The following FAT2 variants were observed in gnomAD, a reference collection of about 807,000 sequenced individuals.
FAT2 encodes FAT atypical cadherin 2.
In FAT2, 150 loss-of-function variants were observed where a neutral mutation model predicts 295.3. That is an observed-to-expected ratio of 0.51 (90% CI 0.44 to 0.58). The LOEUF (loss-of-function observed/expected upper bound fraction) is 0.58. Among genes scored for constraint, FAT2 ranks in the 20% least tolerant of loss-of-function variants. The pLI is 0.00. For missense variants in FAT2, 4,868 were observed against 5,442.7 expected (o/e 0.89, Z 3.32); for synonymous variants, 2,026 against 2,150.3 (o/e 0.94, Z 1.60).
intron 11 of FAT2, among the ~76,000 whole-genome samples, 160 bp downstream of exon 11, chr5:151,540,407 C>G (rs1285991182): frequency 6.6e-6 from 1 of 151,798 alleles, no homozygotes; most frequent in Non-Finnish European, 1.5e-5. Flanking sequence ...GCCCCTCACT[C>G]TCTGTTCTCC....
chr5:151,589,419 G>GC (rs1357196230), intron 1 of FAT2, among the ~76,000 whole-genome samples: 6 of 152,198 alleles, frequency 3.9e-5, no homozygotes, highest in African/African-American at 1.4e-4. Context: ...TGAGCATCAG[G>GC]CTAGCTGACA....
At chr5:151,569,083 C>T in intron 1 of FAT2, 132 bp from the exon 2 acceptor site, 1 of 882,426 alleles carries the variant, frequency 1.1e-6, no homozygotes, top group Admixed American at 2.9e-5. Flanking sequence ...TTGGCTGACC[C>T]AGCTTGGGAG....
Position 151,534,580 on chromosome 5 carries a change from T to A in FAT2, c.9256A>T (p.Lys3086Ter). ...GATCGGCCACCTCCATCCGTCGCCT[T>A]GGCAACAAGGTTGAACACATCCTTC... Reference protein sequence around the residue: ...ERKDVFNLVAKATDGGGRSCQ... With the variant: ...ERKDVFNLVA The change falls in exon 13 of 24, where the codon AAG (lysine) becomes TAG (stop). Residue 3086 changes from lysine (K) to a stop codon, truncating the protein, a stop_gained. Transcript: ENST00000261800. LOFTEE classifies it high-confidence loss of function. 1.2e-6 allele frequency: 2 copies of A among 1,614,040 alleles called. No homozygotes were observed. Among genetic ancestry groups the A allele is most frequent in the Non-Finnish European group, 8.5e-7 (1 of 1,179,998 alleles).
chr5:151,567,846 G>C lies in FAT2; in HGVS notation c.1086C>G (p.Phe362Leu), dbSNP rs200331562. The C allele has an allele frequency of 4.8e-5, 77 of 1,614,004 alleles. 1 individual carries two copies. In the Middle Eastern group the frequency reaches 6.6e-4, roughly 14 times the overall value. The change falls in exon 2 of 24, where the codon TTC becomes TTG. Residue 362 changes from phenylalanine (F) to leucine (L), a missense_variant. Transcript: ENST00000261800. ...LPPSKLSSLK[F>L]EKAVYRVQLS... ...GCTGCACTCTGTAAACAGCCTTCTCGAATTTGAGGGAAGACAGTTTGGAAG... is the reference window on the plus strand; with the variant it reads ...GCTGCACTCTGTAAACAGCCTTCTCCAATTTGAGGGAAGACAGTTTGGAAG...
At chr5:151,518,418 C>T (rs1005361199) in intron 19 of FAT2, among the ~76,000 whole-genome samples, 2 of 151,098 alleles carry the variant, frequency 1.3e-5, no homozygotes, top group South Asian at 2.1e-4. Flanking sequence ...TGTAATGAAT[C>T]AAGTGTGTGA....
intron 11 of FAT2, among the ~76,000 whole-genome samples, chr5:151,539,126 A>T (rs146958716): frequency 1.3e-5 from 2 of 152,108 alleles, no homozygotes; most frequent in Admixed American, 6.5e-5. Flanking sequence ...GAGGGAAAAG[A>T]GAAGGAAGGT....
At chr5:151,553,410 A>G in intron 5 of FAT2, 23 bp from the exon 6 acceptor site, 1 of 1,609,508 alleles carries the variant, frequency 6.2e-7, no homozygotes, top group Non-Finnish European at 8.5e-7. Context: ...CAACACCAAA[A>G]CTGAGGTTTG....
intron 23 of FAT2, 55 bp from the exon 24 acceptor site, chr5:151,506,152 C>G: frequency 6.7e-7 from 1 of 1,487,074 alleles, no homozygotes; most frequent in East Asian, 2.3e-5. Context: ...AAGGTTTCAG[C>G]TGGCTCTATA....
intron 20 of FAT2, among the ~76,000 whole-genome samples, chr5:151,515,138 T>C (rs1752724313): frequency 1.3e-5 from 2 of 152,134 alleles, no homozygotes; most frequent in Non-Finnish European, 2.9e-5. Context: ...TCACTTCCCA[T>C]CTTACTGGCC....
chr5:151,524,725 C>A (rs1180306123), intron 18 of FAT2, among the ~76,000 whole-genome samples: 1 of 152,194 alleles, frequency 6.6e-6, no homozygotes, highest in Non-Finnish European at 1.5e-5. Flanking sequence ...CTCATTCCCA[C>A]CCCTGCTCAT....
chr5:151,561,325 C>T (rs1379000081), intron 3 of FAT2, among the ~76,000 whole-genome samples: 1 of 151,972 alleles, frequency 6.6e-6, no homozygotes, highest in Non-Finnish European at 1.5e-5. Context: ...AAGATGAGGC[C>T]AGAGAGGTCA....
intron 17 of FAT2, among the ~76,000 whole-genome samples, chr5:151,526,538 A>G (rs1373400234): frequency 1.3e-5 from 2 of 152,240 alleles, no homozygotes; most frequent in Admixed American, 6.5e-5. Flanking sequence ...TAGCATCACA[A>G]ACAGAATCTA....
chr5:151,512,865 C>T lies in FAT2; in HGVS notation c.11464-259G>A, dbSNP rs779603748. On this transcript the variant is annotated intron_variant, in intron 20 of 23. Coordinates refer to ENST00000261800, the MANE Select transcript of FAT2 (RefSeq NM_001447.3). This position sits in a 1 kb window ranked among gnomAD's most constrained non-coding sequence, Gnocchi z 4.1. Reference sequence around the variant, plus strand: ...CATTCACAGATGAGGAAACTGAGGCCGAGAGATGCTTTGCTGATCAAGACC... The same window carrying T: ...CATTCACAGATGAGGAAACTGAGGCTGAGAGATGCTTTGCTGATCAAGACC... 3.9e-5 allele frequency: 20 copies of T among 507,678 alleles called. No individual in the cohort carries two copies. Among genetic ancestry groups the T allele is most frequent in the African/African-American group, 9.6e-5 (5 of 52,354 alleles). The allele number at this position is 507,678 out of a possible 1,614,324, so 31.4% of individuals were successfully genotyped here. A position where few individuals can be genotyped will look rare whatever the true frequency, so the allele number is the denominator to read the frequency against.
At chr5:151,533,442 TC>T (rs1449986523) in intron 13 of FAT2, among the ~76,000 whole-genome samples, 1 of 138,250 alleles carries the variant, frequency 7.2e-6, no homozygotes, top group Non-Finnish European at 1.6e-5. Context: ...ACACACGCTT[TC>T]CAGGTCCAGC....
intron 3 of FAT2, 78 bp downstream of exon 3, chr5:151,563,247 G>T: frequency 3.0e-6 from 4 of 1,342,948 alleles, no homozygotes; most frequent in Non-Finnish European, 4.2e-6. Flanking sequence ...CAGTAATGCT[G>T]ATGGTGCCGA....
chr5:151,560,847 G>A (rs530039655), intron 3 of FAT2, among the ~76,000 whole-genome samples: 2 of 152,322 alleles, frequency 1.3e-5, no homozygotes, highest in South Asian at 4.1e-4. Flanking sequence ...ACAAAACATT[G>A]TGGATGCTGG....
At position 151,539,911 on chromosome 5, in the gene FAT2, G is replaced by C. The variant is rs114104757; in HGVS notation, c.9039+656C>G. ...TGAAATTGCCCTGTCTCGTGTTTGT[G>C]TCTCTGTACAAGTGAAGAAGGGCAT... On this transcript the variant is annotated intron_variant, in intron 11 of 23. Transcript: ENST00000261800. 5.3e-3 allele frequency among the ~76,000 whole-genome samples: 810 copies of C among 152,260 alleles called. 8 individuals carry two copies. The highest frequency in any genetic ancestry group is 0.018 in the African/African-American group (768 of 41,526).
At chr5:151,521,030 G>A (rs1273751611) in intron 19 of FAT2, among the ~76,000 whole-genome samples, 1 of 152,234 alleles carries the variant, frequency 6.6e-6, no homozygotes, top group African/African-American at 2.4e-5. Context: ...TCTTAGCCAT[G>A]ATGTTAAACC....
In FAT2 at chr5:151,540,024, G is replaced by A. The variant is rs115922300; in HGVS notation, c.9039+543C>T. Among the ~76,000 whole-genome samples, 714 of 152,334 alleles carry A rather than the reference G, an allele frequency of 4.7e-3. 5 individuals are homozygous for A. Among genetic ancestry groups the A allele is most frequent in the African/African-American group, 0.016 (669 of 41,568 alleles). On this transcript the variant is annotated intron_variant, in intron 11 of 23. Transcript: ENST00000261800. The stretch of plus-strand genomic sequence containing the variant: ...GTTTGTCTGGGGTCAGGTCTCTGTT[G>A]GTGTATTTGATAATAGTGAGCCATG...
Sources: gnomAD v4.1 joint callset for allele counts (sites outside exome capture counted in the v4.1 genomes callset) on GRCh38, gnomAD v4.1.1 for gene constraint, Gnocchi (gnomAD v3.1) non-coding constraint, MANE v1.5 for transcripts, NCBI Gene and HGNC (gene_info 2026-07-23, HGNC 2026-07-21) for gene names.